Variants in PCDH7 observed in about 807,000 individuals in gnomAD.
PCDH7 encodes the protein protocadherin-7.
PCDH7 carries 17 observed loss-of-function variants against 58.9 expected under a neutral mutation model. That is an observed-to-expected ratio of 0.29 (90% CI 0.20 to 0.43). The LOEUF (loss-of-function observed/expected upper bound fraction) is 0.43, where lower values mean the gene tolerates loss of function less well. Among genes scored for constraint, PCDH7 ranks in the 20% least tolerant of loss-of-function variants. The pLI, the probability that PCDH7 is intolerant of heterozygous loss-of-function variation, is 1.00. For missense variants in PCDH7, 1,274 were observed against 1,441.0 expected, an observed-to-expected ratio of 0.88 and a Z score of 1.88; for synonymous variants, 664 against 616.4, an observed-to-expected ratio of 1.08 and a Z score of -1.14.
chr4:31,017,366 C>G (rs942326289), intron 3 of PCDH7, among the ~76,000 whole-genome samples: 9 of 152,084 alleles, frequency 5.9e-5, no homozygotes, highest in African/African-American at 2.2e-4. Context: ...ATACTGTAAG[C>G]TCAATACAGC....
intron 1 of PCDH7, among the ~76,000 whole-genome samples, chr4:30,742,246 T>G (rs1252302326): frequency 6.6e-6 from 1 of 152,124 alleles, no homozygotes; most frequent in East Asian, 1.9e-4. Context: ...CAAATAATCA[T>G]GTAACTGCAC....
At chr4:30,772,341 A>G (rs13135261) in intron 1 of PCDH7, among the ~76,000 whole-genome samples, 54,642 of 152,112 alleles carry the variant, frequency 0.36, 10,704 homozygotes, top group African/African-American at 0.51. Context: ...CATGGGACCT[A>G]ATCTTCAGAA....
chr4:30,872,514 A>C (rs1735755414), intron 1 of PCDH7, among the ~76,000 whole-genome samples: 1 of 152,098 alleles, frequency 6.6e-6, no homozygotes, highest in Non-Finnish European at 1.5e-5. Context: ...GTTCCATTAT[A>C]ACCTGGATGT....
At chr4:30,729,249 T>C (rs1408343712) in intron 1 of PCDH7, among the ~76,000 whole-genome samples, 1 of 151,982 alleles carries the variant, frequency 6.6e-6, no homozygotes, top group Non-Finnish European at 1.5e-5. Context: ...TGAATTTCTG[T>C]AACTTTCTGT....
intron 1 of PCDH7, among the ~76,000 whole-genome samples, chr4:30,740,000 C>T (rs1716854665): frequency 6.6e-6 from 1 of 152,172 alleles, no homozygotes; most frequent in East Asian, 1.9e-4. Flanking sequence ...CATATATTAA[C>T]TCATTAAATA....
Position 30,881,878 on chromosome 4 carries a change from T to G in PCDH7, c.71-38275T>G, listed in dbSNP as rs186130975. ...CTTAATCTGAAGTATTTTTTTCAAT[T>G]TAATTATTTATTTTAGCAAAGCTGA... On this transcript the variant is annotated intron_variant, in intron 1 of 3. Coordinates refer to the PCDH7 transcript ENST00000509759. 1.4e-3 allele frequency among the ~76,000 whole-genome samples: 213 copies of G among 152,274 alleles called. 1 individual carries two copies. The highest frequency in any genetic ancestry group is 2.3e-3 in the Non-Finnish European group (155 of 68,022).
intron 3 of PCDH7, among the ~76,000 whole-genome samples, chr4:31,006,033 C>T (rs1420789048): frequency 6.6e-6 from 1 of 151,890 alleles, no homozygotes; most frequent in African/African-American, 2.4e-5. Flanking sequence ...ATATAGCTGT[C>T]AGGAGAATGA....
rs558266084 is a variant in PCDH7, at chr4:31,095,195, T to A, written c.*8-47278T>A. Among the ~76,000 whole-genome samples the A allele has an allele frequency of 7.9e-5, 12 of 152,226 alleles. No homozygotes were observed. In the South Asian group the frequency reaches 2.3e-3, roughly 29 times the overall value. On this transcript the variant is annotated intron_variant, in intron 3 of 3. Coordinates refer to the PCDH7 transcript ENST00000509759. ...GTTTCCTTTTATTTTAGGTTGTTAA[T>A]GGTGGTTATAGGAATTGGTTCTATG...
intron 1 of PCDH7, among the ~76,000 whole-genome samples, chr4:30,821,677 A>T (rs1728395129): frequency 6.6e-6 from 1 of 152,170 alleles, no homozygotes; most frequent in Non-Finnish European, 1.5e-5. Context: ...GCTTCTTCAC[A>T]GATTTCCTTA....
chr4:31,108,588 A>G (rs1715895158), intron 3 of PCDH7, among the ~76,000 whole-genome samples: 1 of 152,180 alleles, frequency 6.6e-6, no homozygotes. Context: ...ATAGGCACCT[A>G]TCTCACAGCT....
intron 1 of PCDH7, among the ~76,000 whole-genome samples, chr4:30,855,525 G>T (rs911878266): frequency 6.6e-6 from 1 of 152,112 alleles, no homozygotes; most frequent in Non-Finnish European, 1.5e-5. Flanking sequence ...TTAATCACCA[G>T]TCAAATGAGC....
At chr4:31,139,163 T>C (rs1719963043) in intron 3 of PCDH7, among the ~76,000 whole-genome samples, 1 of 152,120 alleles carries the variant, frequency 6.6e-6, no homozygotes, top group African/African-American at 2.4e-5. Flanking sequence ...ATTTTTTTAC[T>C]TCCAGTCTTC....
chr4:31,120,765 T>C (rs1442869234), intron 3 of PCDH7, among the ~76,000 whole-genome samples: 1 of 152,144 alleles, frequency 6.6e-6, no homozygotes, highest in Non-Finnish European at 1.5e-5. Flanking sequence ...CCGGGGGCCC[T>C]AGTTTAGCCA....
chr4:30,771,489 G>A (rs939770135), intron 1 of PCDH7, among the ~76,000 whole-genome samples: 5 of 152,176 alleles, frequency 3.3e-5, no homozygotes, highest in Non-Finnish European at 7.3e-5. Flanking sequence ...ACTCGTGGGG[G>A]CTGGGGGTTA....
At chr4:30,988,898 A>C (rs374630583) in intron 3 of PCDH7, among the ~76,000 whole-genome samples, 3 of 152,196 alleles carry the variant, frequency 2.0e-5, no homozygotes, top group Non-Finnish European at 4.4e-5. Flanking sequence ...AGAACAATGA[A>C]TGTGATTTTG....
intron 1 of PCDH7, among the ~76,000 whole-genome samples, chr4:30,907,083 T>C (rs1008764598): frequency 2.0e-5 from 3 of 152,138 alleles, no homozygotes; most frequent in Non-Finnish European, 4.4e-5. Flanking sequence ...ATGTGCATTG[T>C]TGAGGATCCA....
chr4:30,992,593 T>C (rs936696648), intron 3 of PCDH7, among the ~76,000 whole-genome samples: 18 of 152,122 alleles, frequency 1.2e-4, no homozygotes, highest in African/African-American at 4.1e-4. Flanking sequence ...AATGTAGCCA[T>C]GCTTAGGGAA....
chr4:30,965,321 TA>T (rs1006166491), intron 3 of PCDH7, among the ~76,000 whole-genome samples: 3 of 152,170 alleles, frequency 2.0e-5, no homozygotes, highest in African/African-American at 4.8e-5. Context: ...ATGAATTGGT[TA>T]AAAAATCTGT....
At chr4:30,904,468 G>T (rs753177615) in intron 1 of PCDH7, among the ~76,000 whole-genome samples, 4 of 152,052 alleles carry the variant, frequency 2.6e-5, no homozygotes, top group Non-Finnish European at 5.9e-5. Context: ...GGCCCACCCA[G>T]ATGATTCAAT....
Sources: gnomAD v4.1 joint callset for allele counts (sites outside exome capture counted in the v4.1 genomes callset) on GRCh38, gnomAD v4.1.1 for gene constraint, MANE v1.5 for transcripts, NCBI Gene and HGNC (gene_info 2026-07-23, HGNC 2026-07-21) for gene names.